The following MED12L variants were observed in gnomAD, a reference collection of about 807,000 sequenced individuals.
The protein encoded by MED12L is mediator complex subunit 12L.
Under a neutral mutation model 281.3 loss-of-function variants are expected in MED12L, and 60 were observed. The ratio of observed to expected loss-of-function variants is 0.21; its 90% CI spans 0.17 to 0.26. The LOEUF (loss-of-function observed/expected upper bound fraction) is 0.26. Ranked by LOEUF, MED12L falls within the 10% of genes least tolerant of loss-of-function variation. The probability of loss-of-function intolerance (pLI) is 1.00; values close to 1 mark genes in which losing one functional copy is unlikely to be tolerated. For missense variants in MED12L, 2,146 were observed against 2,680.9 expected, an observed-to-expected ratio of 0.80 and a Z score of 4.41; for synonymous variants, 974 against 987.2, an observed-to-expected ratio of 0.99 and a Z score of 0.25.
At chr3:151,111,004 G>T (rs188908705) in intron 2 of MED12L, among the ~76,000 whole-genome samples, 1 of 152,164 alleles carries the variant, frequency 6.6e-6, no homozygotes. Context: ...GCATCACCTG[G>T]GAAGTTGTTA....
chr3:151,162,906 G>A (rs965627368), intron 8 of MED12L, among the ~76,000 whole-genome samples: 3 of 152,112 alleles, frequency 2.0e-5, no homozygotes, highest in African/African-American at 7.2e-5. Context: ...GTGTCTGGTT[G>A]GGGAGTAATG....
intron 32 of MED12L, among the ~76,000 whole-genome samples, chr3:151,381,997 C>A (rs1039694326): frequency 3.9e-4 from 59 of 151,566 alleles, no homozygotes; most frequent in African/African-American, 1.4e-3. Flanking sequence ...TTGAATTGCA[C>A]TTTTTTTTTG....
chr3:151,266,966 T>G (rs758903293), intron 16 of MED12L, among the ~76,000 whole-genome samples: 4 of 152,206 alleles, frequency 2.6e-5, no homozygotes, highest in Non-Finnish European at 4.4e-5. Flanking sequence ...TGGTTTAAAA[T>G]GGATTTTATG....
intron 16 of MED12L, chr3:151,213,619 C>T (rs575550811): frequency 1.2e-5 from 19 of 1,614,104 alleles, no homozygotes; most frequent in African/African-American, 5.3e-5. Flanking sequence ...GAATATGTTG[C>T]GGCTAGATTT....
intron 25 of MED12L, among the ~76,000 whole-genome samples, chr3:151,368,477 T>C (rs1044667993): frequency 1.3e-5 from 2 of 152,046 alleles, no homozygotes; most frequent in African/African-American, 4.8e-5. Context: ...TAGTAAGCAA[T>C]AAAAATACCT....
chr3:151,425,100 C>T (rs1483490809), intron 43 of MED12L, among the ~76,000 whole-genome samples: 1 of 152,212 alleles, frequency 6.6e-6, no homozygotes, highest in Non-Finnish European at 1.5e-5. Context: ...TAAAATCACA[C>T]ATTATCCATA....
intron 10 of MED12L, 69 bp from the exon 11 acceptor site, chr3:151,165,777 G>T: frequency 2.0e-6 from 3 of 1,486,370 alleles, no homozygotes; most frequent in Non-Finnish European, 2.8e-6. Flanking sequence ...ATAGAATGGT[G>T]ATTTTGTACT....
intron 2 of MED12L, among the ~76,000 whole-genome samples, chr3:151,094,867 G>T (rs1241389018): frequency 6.6e-6 from 1 of 152,212 alleles, no homozygotes; most frequent in Non-Finnish European, 1.5e-5. Flanking sequence ...CTGATTTAGA[G>T]AAATGGGTTT....
At chr3:151,245,122 A>G (rs571833317) in intron 16 of MED12L, among the ~76,000 whole-genome samples, 10 of 152,244 alleles carry the variant, frequency 6.6e-5, no homozygotes, top group Non-Finnish European at 1.5e-4. Context: ...TTGTGGCAAT[A>G]ACCAATAGCT....
In MED12L at chr3:151,393,000, A is replaced by G. The variant is rs76765008; in HGVS notation, c.5609-1656A>G. Among the ~76,000 whole-genome samples the G allele has an allele frequency of 8.9e-3, 1,349 of 152,278 alleles. 22 individuals carry two copies. Among genetic ancestry groups the G allele is most frequent in the African/African-American group, 0.031 (1,298 of 41,540 alleles). The stretch of plus-strand genomic sequence containing the variant: ...TAATATATGTTCTGATTGTTGCTTC[A>G]ATAGAAGTTACCCAGCCATGTGTTA... On this transcript the variant is annotated intron_variant, in intron 38 of 44. Transcript: ENST00000687756.
At chr3:151,271,129 T>C (rs1198198115) in intron 16 of MED12L, among the ~76,000 whole-genome samples, 1 of 152,102 alleles carries the variant, frequency 6.6e-6, no homozygotes, top group Non-Finnish European at 1.5e-5. Flanking sequence ...GTATCTCTGT[T>C]AAAGGCTCAG....
Position 151,390,015 on chromosome 3 carries a change from A to G in MED12L, c.5488A>G (p.Asn1830Asp). Residue 1830 changes from asparagine (N) to aspartate (D), a missense_variant, in exon 38 of 45, where the codon AAT becomes GAT. This residue lies in a region of MED12L where 496 missense variants were observed against 512.0 expected (regional missense o/e 0.97). Coordinates refer to ENST00000687756, the MANE Select transcript of MED12L (RefSeq NM_001393769.1). Reference sequence around the variant, plus strand: ...GAGCAACATATACCGAGTGCCTCCTAATTACTCGCCTATCTCCTCCCAAAT... The same window carrying G: ...GAGCAACATATACCGAGTGCCTCCTGATTACTCGCCTATCTCCTCCCAAAT... ...PQSNIYRVPP[N>D]YSPISSQMMH... The G allele has an allele frequency of 1.2e-6, 2 of 1,614,124 alleles. No individual in the cohort carries two copies. Among genetic ancestry groups the G allele is most frequent in the Non-Finnish European group, 1.7e-6 (2 of 1,179,970 alleles).
At chr3:151,322,952 C>T (rs1358421440) in intron 16 of MED12L, among the ~76,000 whole-genome samples, 2 of 152,292 alleles carry the variant, frequency 1.3e-5, no homozygotes, top group Admixed American at 1.3e-4. Context: ...CAGCTGTGGG[C>T]TCTTTGACCC....
At chr3:151,372,513 A>G in intron 26 of MED12L, 54 bp from the exon 27 acceptor site, 2 of 1,330,886 alleles carry the variant, frequency 1.5e-6, no homozygotes, top group South Asian at 2.4e-5. Flanking sequence ...CTCCTCAATT[A>G]TTTGGCAATA....
chr3:151,355,830 G>T, intron 18 of MED12L, 66 bp from the exon 19 acceptor site: 1 of 1,409,320 alleles, frequency 7.1e-7, no homozygotes, highest in South Asian at 1.4e-5. Context: ...AAGTAAAAAT[G>T]ATTTATCTTA....
intron 16 of MED12L, chr3:151,294,143 A>G: frequency 7.6e-7 from 1 of 1,317,332 alleles, no homozygotes; most frequent in Middle Eastern, 1.9e-4. Flanking sequence ...CTTTGTACAT[A>G]TCGATTCCAA....
chr3:151,290,733 A>T (rs1319755308), intron 16 of MED12L, among the ~76,000 whole-genome samples: 8 of 152,140 alleles, frequency 5.3e-5, no homozygotes, highest in Non-Finnish European at 1.2e-4. Flanking sequence ...GCTGCAGGAT[A>T]CACATTTGTA....
chr3:151,436,467 TAA>T lies in MED12L; in HGVS notation c.*3666_*3667del, dbSNP rs1720231321. ...TGTTTATTGTTATTTGTTGGCAAAA[TAA>T]AAGTGCCTTAAGTTAAAAGTTTGTT... On this transcript the variant is annotated 3_prime_UTR_variant, in exon 45 of 45. Coordinates refer to ENST00000687756, the MANE Select transcript of MED12L (RefSeq NM_001393769.1). The T allele has an allele frequency of 1.5e-5, 6 of 412,048 alleles. No homozygotes were observed. Among genetic ancestry groups the T allele is most frequent in the Non-Finnish European group, 2.6e-5 (6 of 233,580 alleles). The allele number at this position is 412,048 out of a possible 1,614,324, so 25.5% of individuals were successfully genotyped here.
intron 5 of MED12L, among the ~76,000 whole-genome samples, chr3:151,144,843 C>T (rs771655386): frequency 3.8e-4 from 58 of 152,266 alleles, no homozygotes; most frequent in Non-Finnish European, 6.5e-4. Context: ...TATTCACTGC[C>T]GCCCCCGACA....
Sources: allele counts gnomAD v4.1 joint callset (sites outside exome capture counted in the v4.1 genomes callset), GRCh38; gene constraint gnomAD v4.1.1; regional missense constraint gnomAD v4.1.1; transcripts MANE v1.5; gene names NCBI Gene and HGNC (gene_info 2026-07-23, HGNC 2026-07-21).